CEP70: variants seen among roughly 807,000 people sequenced by gnomAD.
CEP70 encodes centrosomal protein 70, also known as centrosomal protein of 70 kDa.
In CEP70, 70 loss-of-function variants were observed where a neutral mutation model predicts 90.9. The ratio of observed to expected loss-of-function variants is 0.77; its 90% CI spans 0.64 to 0.94. The LOEUF is 0.94. Among genes scored for constraint, CEP70 ranks in the 40% least tolerant of loss-of-function variants. CEP70 has a pLI of 0.00. For missense variants in CEP70, 648 were observed against 669.0 expected (o/e 0.97, Z 0.35); for synonymous variants, 220 against 228.3 (o/e 0.96, Z 0.33).
chr3:138,587,406 TA>T (rs1196274216), intron 2 of CEP70, among the ~76,000 whole-genome samples: 5 of 151,612 alleles, frequency 3.3e-5, no homozygotes, highest in Non-Finnish European at 5.9e-5. Context: ...CAGAACCAAT[TA>T]AAAAAACTAT....
intron 17 of CEP70, chr3:138,496,521 G>A: frequency 1.0e-6 from 1 of 985,390 alleles, no homozygotes; most frequent in Non-Finnish European, 1.2e-6. Context: ...CTCATTAAGT[G>A]AGAAACCTGC....
At chr3:138,573,651 T>TA (rs1371648464) in intron 2 of CEP70, among the ~76,000 whole-genome samples, 2 of 151,832 alleles carry the variant, frequency 1.3e-5, no homozygotes, top group Admixed American at 1.3e-4. Flanking sequence ...TAGAAAAAAA[T>TA]AGAGCAAAAA....
chr3:138,573,651 T>C (rs550862471), intron 2 of CEP70, among the ~76,000 whole-genome samples: 2 of 151,832 alleles, frequency 1.3e-5, no homozygotes, highest in African/African-American at 2.4e-5. Context: ...TAGAAAAAAA[T>C]AGAGCAAAAA....
In CEP70 at chr3:138,497,388, C is replaced by A. The variant is rs146495085; in HGVS notation, c.1732+643G>T. ...TACAGAAAAAATTCACTGGTGAATA[C>A]ATCACTTTAAAACTTTAAAAATCAT... On this transcript the variant is annotated intron_variant, in intron 17 of 17. Coordinates refer to ENST00000264982, the MANE Select transcript of CEP70 (RefSeq NM_024491.4). 1,684 of 1,191,382 alleles carry A rather than the reference C, an allele frequency of 1.4e-3. 20 individuals are homozygous for A. In the African/African-American group the frequency reaches 0.026, roughly 18 times the overall value. 73.8% of individuals were successfully genotyped at this position (1,191,382 alleles called of 1,614,324 possible). A position where few individuals can be genotyped will look rare whatever the true frequency, so the allele number is the denominator to read the frequency against.
intron 2 of CEP70, among the ~76,000 whole-genome samples, chr3:138,575,664 T>C (rs963680838): frequency 1.3e-5 from 2 of 151,844 alleles, no homozygotes; most frequent in African/African-American, 4.8e-5. Context: ...TTCACCAAGG[T>C]TGAAATGAAG....
intron 12 of CEP70, among the ~76,000 whole-genome samples, chr3:138,506,147 T>C (rs2034968964): frequency 6.6e-6 from 1 of 152,170 alleles, no homozygotes; most frequent in Admixed American, 6.5e-5. Context: ...CATATTCTCC[T>C]ACAAACTCAC....
At chr3:138,533,773 ATTTT>A (rs1357755434) in intron 7 of CEP70, among the ~76,000 whole-genome samples, 1 of 151,610 alleles carries the variant, frequency 6.6e-6, no homozygotes, top group Non-Finnish European at 1.5e-5. Flanking sequence ...TTGAATTTTT[ATTTT>A]TTGTTTTTTT....
At chr3:138,533,000 G>T (rs1445094203) in intron 7 of CEP70, among the ~76,000 whole-genome samples, 4 of 152,168 alleles carry the variant, frequency 2.6e-5, no homozygotes, top group Non-Finnish European at 5.9e-5. Context: ...GAAAATAATG[G>T]GCTGGGTGCA....
chr3:138,549,920 G>C (rs1012406924), intron 6 of CEP70, among the ~76,000 whole-genome samples: 3 of 152,100 alleles, frequency 2.0e-5, no homozygotes, highest in East Asian at 1.9e-4. Context: ...TACCAGCCTG[G>C]AGCCTGGTAG....
intron 10 of CEP70, among the ~76,000 whole-genome samples, chr3:138,527,558 G>A (rs2037389795): frequency 6.6e-6 from 1 of 151,722 alleles, no homozygotes; most frequent in African/African-American, 2.4e-5. Flanking sequence ...GCCGGGCGTG[G>A]TGATGGGCGC....
intron 6 of CEP70, among the ~76,000 whole-genome samples, chr3:138,560,475 T>G (rs2040327204): frequency 2.0e-5 from 3 of 148,584 alleles, no homozygotes; most frequent in South Asian, 2.1e-4. Flanking sequence ...GAGTTTTTGT[T>G]TTTTTTTTTT....
intron 2 of CEP70, among the ~76,000 whole-genome samples, chr3:138,580,237 T>C (rs916165599): frequency 1.3e-5 from 2 of 152,104 alleles, no homozygotes; most frequent in African/African-American, 2.4e-5. Context: ...TTCCAGGCCC[T>C]GGCCAGACCA....
At chr3:138,557,159 C>T (rs2040072592) in intron 6 of CEP70, among the ~76,000 whole-genome samples, 1 of 152,162 alleles carries the variant, frequency 6.6e-6, no homozygotes. Context: ...ATATTTCTCC[C>T]ATTTGCTTTT....
At chr3:138,518,465 G>A (rs1172146769) in intron 11 of CEP70, among the ~76,000 whole-genome samples, 2 of 152,150 alleles carry the variant, frequency 1.3e-5, no homozygotes, top group African/African-American at 4.8e-5. Flanking sequence ...ACACAGCCGG[G>A]TACTCCTCTG....
intron 11 of CEP70, among the ~76,000 whole-genome samples, chr3:138,517,027 T>C (rs2036095438): frequency 6.6e-6 from 1 of 152,224 alleles, no homozygotes; most frequent in Non-Finnish European, 1.5e-5. Flanking sequence ...AATGGCTCAC[T>C]GCATTCCTTC....
chr3:138,496,545 C>T, intron 17 of CEP70: 2 of 985,390 alleles, frequency 2.0e-6, no homozygotes, highest in Non-Finnish European at 2.4e-6. Flanking sequence ...ACAAATGAAC[C>T]TCACAGCAAA....
intron 6 of CEP70, among the ~76,000 whole-genome samples, chr3:138,543,580 G>C (rs1358836648): frequency 6.6e-6 from 1 of 152,194 alleles, no homozygotes; most frequent in Non-Finnish European, 1.5e-5. Context: ...GTGCCTGGGA[G>C]CACAGGGTCC....
intron 2 of CEP70, among the ~76,000 whole-genome samples, chr3:138,581,116 C>T (rs1253404953): frequency 6.6e-6 from 1 of 151,738 alleles, no homozygotes; most frequent in Admixed American, 6.6e-5. Flanking sequence ...AAAACCCCAT[C>T]TCTACTAAAA....
intron 6 of CEP70, among the ~76,000 whole-genome samples, chr3:138,539,837 A>T (rs2038601591): frequency 6.6e-6 from 1 of 152,198 alleles, no homozygotes; most frequent in Non-Finnish European, 1.5e-5. Flanking sequence ...AACAGATTCA[A>T]TTCAAATAAG....
Sources: allele counts gnomAD v4.1 joint callset (sites outside exome capture counted in the v4.1 genomes callset), GRCh38; gene constraint gnomAD v4.1.1; transcripts MANE v1.5; gene names NCBI Gene and HGNC (gene_info 2026-07-23, HGNC 2026-07-21).